CPA6: variants seen among roughly 807,000 people sequenced by gnomAD.
The protein encoded by CPA6 is carboxypeptidase B.
Under a neutral mutation model 63.3 loss-of-function variants are expected in CPA6, and 58 were observed. The ratio of observed to expected loss-of-function variants is 0.92; its 90% CI spans 0.74 to 1.14. CPA6 has a LOEUF of 1.14. Ranked by LOEUF, CPA6 falls within the 50% of genes most tolerant of loss-of-function variation. CPA6 has a pLI of 0.00. For missense variants in CPA6, 565 were observed against 526.6 expected (o/e 1.07, Z -0.71); for synonymous variants, 185 against 179.0 (o/e 1.03, Z -0.27).
chr8:67,613,911 C>T (rs962945197), intron 2 of CPA6, among the ~76,000 whole-genome samples: 3 of 152,158 alleles, frequency 2.0e-5, no homozygotes, highest in African/African-American at 7.2e-5. Flanking sequence ...GGAGGAACAT[C>T]TGAACTCTGA....
At chr8:67,565,948 T>C (rs1813326818) in intron 2 of CPA6, among the ~76,000 whole-genome samples, 1 of 150,830 alleles carries the variant, frequency 6.6e-6, no homozygotes, top group South Asian at 2.1e-4. Flanking sequence ...ACATCCTTTC[T>C]GTTGCCAAGA....
At chr8:67,524,496 C>G (rs898743008) in intron 2 of CPA6, among the ~76,000 whole-genome samples, 2 of 152,136 alleles carry the variant, frequency 1.3e-5, no homozygotes, top group African/African-American at 2.4e-5. Context: ...GGCATGTGGC[C>G]ACATCACTCC....
At position 67,451,412 on chromosome 8, in the gene CPA6, GT is replaced by G. The variant is rs536467950; in HGVS notation, c.839-17173del. On this transcript the variant is annotated intron_variant, in intron 8 of 10. Transcript: ENST00000297770. The stretch of plus-strand genomic sequence containing the variant: ...ATGAGAATCTAATGCCTGATGATCT[GT>G]CACTGTCTCCCATCACCCCTAGATG... 9.2e-5 allele frequency among the ~76,000 whole-genome samples: 14 copies of G among 152,286 alleles called. No individual in the cohort carries two copies. In the East Asian group the frequency reaches 2.3e-3, roughly 25 times the overall value.
intron 4 of CPA6, among the ~76,000 whole-genome samples, chr8:67,510,215 G>T (rs776580224): frequency 2.0e-5 from 3 of 152,104 alleles, no homozygotes; most frequent in Non-Finnish European, 4.4e-5. Flanking sequence ...ATCAGGAAAA[G>T]ATACATTTGA....
At chr8:67,592,103 T>C (rs1466108630) in intron 2 of CPA6, among the ~76,000 whole-genome samples, 2 of 152,240 alleles carry the variant, frequency 1.3e-5, no homozygotes, top group African/African-American at 2.4e-5. Flanking sequence ...TGAAGGGTTG[T>C]TGAATTTTGT....
At position 67,468,540 on chromosome 8, in the gene CPA6, C is replaced by T. The variant is rs150190191; in HGVS notation, c.838+15228G>A. ...GGTGAAAGTTGCAGTGATCCGAGATCGCGTCATTGCACCTGGGCGACAAGA... is the reference window on the plus strand; with the variant it reads ...GGTGAAAGTTGCAGTGATCCGAGATTGCGTCATTGCACCTGGGCGACAAGA... On this transcript the variant is annotated intron_variant, in intron 8 of 10. Transcript: ENST00000297770. 1.7e-4 allele frequency among the ~76,000 whole-genome samples: 25 copies of T among 150,442 alleles called. No individual in the cohort carries two copies. In the East Asian group the frequency reaches 3.9e-3, roughly 24 times the overall value.
intron 8 of CPA6, among the ~76,000 whole-genome samples, chr8:67,457,146 C>A (rs1047392119): frequency 1.3e-5 from 2 of 152,206 alleles, no homozygotes; most frequent in South Asian, 2.1e-4. Flanking sequence ...CAATGGGGCA[C>A]AAATAAGCTT....
chr8:67,512,912 A>G (rs981003984), intron 3 of CPA6, among the ~76,000 whole-genome samples: 2 of 152,238 alleles, frequency 1.3e-5, no homozygotes, highest in African/African-American at 4.8e-5. Context: ...TTTCCATTCT[A>G]TGAAGAAAGT....
chr8:67,551,002 G>C (rs972502177), intron 2 of CPA6, among the ~76,000 whole-genome samples: 12 of 152,092 alleles, frequency 7.9e-5, no homozygotes, highest in African/African-American at 2.7e-4. Context: ...TTACTCTGTT[G>C]ATAGTTTCTT....
chr8:67,488,964 G>A (rs1811546283), intron 6 of CPA6, among the ~76,000 whole-genome samples: 1 of 152,006 alleles, frequency 6.6e-6, no homozygotes, highest in African/African-American at 2.4e-5. Flanking sequence ...GAGACGATGG[G>A]GTTTTCTAAA....
intron 1 of CPA6, among the ~76,000 whole-genome samples, chr8:67,644,585 T>A (rs1020018653): frequency 2.6e-5 from 4 of 152,232 alleles, no homozygotes; most frequent in Non-Finnish European, 5.9e-5. Flanking sequence ...ACAAGCATGT[T>A]CTTGCTGTTA....
intron 2 of CPA6, among the ~76,000 whole-genome samples, chr8:67,557,704 A>G (rs1563999492): frequency 6.6e-6 from 1 of 152,172 alleles, no homozygotes. Flanking sequence ...GCTCCATAGG[A>G]GTCTTCCTGC....
chr8:67,509,875 T>C (rs1812008393), intron 4 of CPA6, among the ~76,000 whole-genome samples: 1 of 152,214 alleles, frequency 6.6e-6, no homozygotes, highest in Admixed American at 6.5e-5. Context: ...TCTACTACCA[T>C]ATATCATTAA....
At chr8:67,626,675 C>G (rs993736397) in intron 1 of CPA6, among the ~76,000 whole-genome samples, 3 of 152,142 alleles carry the variant, frequency 2.0e-5, no homozygotes, top group Non-Finnish European at 4.4e-5. Flanking sequence ...CTGGATTCAT[C>G]ATACCCTGGC....
chr8:67,669,806 AC>A lies in CPA6; in HGVS notation c.117-45556del, dbSNP rs779343555. On this transcript the variant is annotated intron_variant, in intron 1 of 10. Transcript: ENST00000297770. The stretch of plus-strand genomic sequence containing the variant: ...AAATTATCTAAAGACAAAAAAAAAA[AC>A]AACCCCAAAAAACAGAGCATCTGGG... Among the ~76,000 whole-genome samples the A allele has an allele frequency of 1.2e-3, 187 of 150,038 alleles. 1 individual carries two copies. Among genetic ancestry groups the A allele is most frequent in the Non-Finnish European group, 1.7e-3 (116 of 67,810 alleles).
chr8:67,431,572 T>C (rs1810028353), intron 9 of CPA6, among the ~76,000 whole-genome samples: 1 of 152,098 alleles, frequency 6.6e-6, no homozygotes, highest in South Asian at 2.1e-4. Context: ...CATCATCTGT[T>C]GTATGAATAT....
At chr8:67,442,389 T>C (rs1810313414) in intron 8 of CPA6, among the ~76,000 whole-genome samples, 1 of 151,958 alleles carries the variant, frequency 6.6e-6, no homozygotes, top group African/African-American at 2.4e-5. Flanking sequence ...TGTAATATAA[T>C]GTAATATGAT....
intron 1 of CPA6, among the ~76,000 whole-genome samples, chr8:67,634,424 TAGC>T (rs1041953350): frequency 3.3e-5 from 5 of 151,374 alleles, no homozygotes; most frequent in African/African-American, 9.8e-5. Flanking sequence ...TTCACCGTGT[TAGC>T]CAGGATGGTC....
chr8:67,640,283 AT>A (rs1815561026), intron 1 of CPA6, among the ~76,000 whole-genome samples: 1 of 150,906 alleles, frequency 6.6e-6, no homozygotes, highest in African/African-American at 2.5e-5. Context: ...CACCTAGGCT[AT>A]TTGTGCCAAG....
Sources: allele counts gnomAD v4.1 joint callset (sites outside exome capture counted in the v4.1 genomes callset), GRCh38; gene constraint gnomAD v4.1.1; transcripts MANE v1.5; gene names NCBI Gene and HGNC (gene_info 2026-07-23, HGNC 2026-07-21).